VPS13B: variants seen among roughly 807,000 people sequenced by gnomAD.
The protein encoded by VPS13B is vacuolar protein sorting 13 homolog B.
A neutral mutation model predicts 426.4 loss-of-function variants in VPS13B; 285 were observed. The observed-to-expected ratio is 0.67, with a 90% CI of 0.61 to 0.74. VPS13B has a LOEUF of 0.74. Ranked by LOEUF, VPS13B falls within the 30% of genes least tolerant of loss-of-function variation. The pLI is 0.00. For synonymous variants in VPS13B, 1,676 were observed against 1,676.4 expected (o/e 1.00, Z 0.01); for missense variants, 4,537 against 4,782.6 (o/e 0.95, Z 1.51).
At chr8:99,771,476 C>G (rs752929759) in intron 40 of VPS13B, among the ~76,000 whole-genome samples, 4 of 152,170 alleles carry the variant, frequency 2.6e-5, no homozygotes, top group Non-Finnish European at 5.9e-5. Context: ...TTCCTACTCC[C>G]TTAAGGTCTC....
At chr8:99,561,481 G>A (rs1348479439) in intron 31 of VPS13B, among the ~76,000 whole-genome samples, 1 of 152,140 alleles carries the variant, frequency 6.6e-6, no homozygotes, top group African/African-American at 2.4e-5. Context: ...TCAACTTTAT[G>A]ATGATGCAAA....
chr8:99,504,194 T>C (rs181183756), intron 27 of VPS13B, among the ~76,000 whole-genome samples: 1 of 152,298 alleles, frequency 6.6e-6, no homozygotes, highest in East Asian at 1.9e-4. Flanking sequence ...CTCTCTTGCT[T>C]ACTCTCTTAC....
chr8:99,089,554 G>A (rs12156241), intron 3 of VPS13B, among the ~76,000 whole-genome samples: 3 of 152,138 alleles, frequency 2.0e-5, no homozygotes, highest in African/African-American at 7.2e-5. Flanking sequence ...CCAAGTAATA[G>A]GTGGAATCAA....
At chr8:99,424,023 T>C (rs1337510044) in intron 21 of VPS13B, among the ~76,000 whole-genome samples, 1 of 152,124 alleles carries the variant, frequency 6.6e-6, no homozygotes, top group Middle Eastern at 3.2e-3. Flanking sequence ...AAGTCGCCCA[T>C]TATTATTGTG....
At position 99,669,298 on chromosome 8, in the gene VPS13B, GAGA is replaced by G. The variant is rs549392715; in HGVS notation, c.6046+7815_6046+7817del. Among the ~76,000 whole-genome samples the G allele has an allele frequency of 7.2e-3, 1,089 of 152,080 alleles. 12 individuals carry two copies. Among genetic ancestry groups the G allele is most frequent in the African/African-American group, 0.025 (1,017 of 41,478 alleles). ...TTTAATTTAATGAGAGCTGACACAT[GAGA>G]AGAAGAACTGGAAATGGTGCAGATT... On this transcript the variant is annotated intron_variant, in intron 35 of 61. Coordinates refer to ENST00000357162, the MANE Select transcript of VPS13B (RefSeq NM_152564.5).
At position 99,873,955 on chromosome 8, in the gene VPS13B, A is replaced by G. The variant is rs1486746573; in HGVS notation, c.11746-1463A>G. The stretch of plus-strand genomic sequence containing the variant: ...CTTTTCTGGTTTTTAGCTTTTGCCT[A>G]GTTCCTTTGAATTTTGGAAGGAATT... On this transcript the variant is annotated intron_variant, in intron 61 of 61. Transcript: ENST00000357162. Among the ~76,000 whole-genome samples the G allele has an allele frequency of 2.0e-5, 3 of 152,304 alleles. No homozygotes were observed. The East Asian group carries it at 5.8e-4, about 29-fold the overall frequency.
intron 31 of VPS13B, among the ~76,000 whole-genome samples, chr8:99,562,159 C>G (rs1412692064): frequency 6.6e-6 from 1 of 152,042 alleles, no homozygotes; most frequent in Non-Finnish European, 1.5e-5. Context: ...GGTGGTACAT[C>G]ATTGTGGTTT....
At chr8:99,468,548 T>G (rs1018611274) in intron 24 of VPS13B, among the ~76,000 whole-genome samples, 5 of 152,090 alleles carry the variant, frequency 3.3e-5, no homozygotes, top group African/African-American at 2.4e-5. Context: ...TAAGAGTACT[T>G]TTTTAAGTAG....
At chr8:99,700,056 T>G in intron 36 of VPS13B, 124 bp downstream of exon 36, 15 of 1,183,428 alleles carry the variant, frequency 1.3e-5, no homozygotes, top group Non-Finnish European at 1.6e-5. Flanking sequence ...CCATTAGAGA[T>G]GAGGACATTT....
At chr8:99,146,974 C>T (rs1810765911) in intron 13 of VPS13B, among the ~76,000 whole-genome samples, 1 of 151,892 alleles carries the variant, frequency 6.6e-6, no homozygotes, top group South Asian at 2.1e-4. Context: ...TGTCTTAGAC[C>T]CAGATTCCTT....
intron 16 of VPS13B, among the ~76,000 whole-genome samples, chr8:99,176,109 T>C (rs1186295331): frequency 1.3e-5 from 2 of 152,100 alleles, no homozygotes. Context: ...GTCATTGGGC[T>C]TAGTGCAATA....
At chr8:99,724,760 C>T (rs1211459945) in intron 39 of VPS13B, among the ~76,000 whole-genome samples, 1 of 152,174 alleles carries the variant, frequency 6.6e-6, no homozygotes, top group Non-Finnish European at 1.5e-5. Flanking sequence ...GATGGAATTC[C>T]AGGCTCCAGT....
chr8:99,421,841 C>T (rs1284884861), intron 21 of VPS13B, among the ~76,000 whole-genome samples: 4 of 152,002 alleles, frequency 2.6e-5, no homozygotes, highest in Admixed American at 6.6e-5. Flanking sequence ...CCATGCCCAG[C>T]TAAGTTTTGT....
intron 16 of VPS13B, among the ~76,000 whole-genome samples, chr8:99,189,999 G>A (rs940767783): frequency 6.6e-6 from 1 of 151,912 alleles, no homozygotes; most frequent in African/African-American, 2.4e-5. Context: ...CTTTACTTAC[G>A]GTCTATTTGT....
At chr8:99,244,119 A>G (rs954919788) in intron 17 of VPS13B, among the ~76,000 whole-genome samples, 2 of 152,150 alleles carry the variant, frequency 1.3e-5, no homozygotes, top group Non-Finnish European at 2.9e-5. Context: ...TGATTTGTTA[A>G]AATTGGAAAC....
chr8:99,670,298 A>C (rs1830659624), intron 35 of VPS13B, among the ~76,000 whole-genome samples: 1 of 152,038 alleles, frequency 6.6e-6, no homozygotes, highest in South Asian at 2.1e-4. Flanking sequence ...AATTTTTTTC[A>C]ATTGCAAATT....
rs763025605 is a variant in VPS13B at position 99,111,100 on chromosome 8, A to G, written c.583A>G (p.Thr195Ala). 6.3e-7 allele frequency: 1 copy of G among 1,598,240 alleles called. No homozygotes were observed. Among genetic ancestry groups the G allele is most frequent in the South Asian group, 1.2e-5 (1 of 86,846 alleles). The change falls in exon 6 of 62, where the codon ACT (threonine) becomes GCT (alanine). Residue 195 changes from threonine to alanine, a missense_variant and splice_region_variant. Coordinates refer to ENST00000357162, the MANE Select transcript of VPS13B (RefSeq NM_152564.5). ...WDRAFMDISA[T>A]DLVLRKVINF... is the part of the protein sequence containing the mutation. ...AAAATGTTTTTTTTTCTTTTTAGCA[A>G]CTGATTTGGTGCTGAGAAAGGTTAT...
At chr8:99,298,736 C>G (rs902657424) in intron 19 of VPS13B, among the ~76,000 whole-genome samples, 1 of 152,166 alleles carries the variant, frequency 6.6e-6, no homozygotes, top group African/African-American at 2.4e-5. Flanking sequence ...GTCAGGCAAA[C>G]CTGTTTTCAG....
chr8:99,283,010 A>G (rs988217624), intron 19 of VPS13B, among the ~76,000 whole-genome samples: 1 of 152,206 alleles, frequency 6.6e-6, no homozygotes, highest in African/African-American at 2.4e-5. Flanking sequence ...TGATTAAAAC[A>G]TACCAGCAAA....
Sources: gnomAD v4.1 joint callset for allele counts (sites outside exome capture counted in the v4.1 genomes callset) on GRCh38, gnomAD v4.1.1 for gene constraint, MANE v1.5 for transcripts, NCBI Gene and HGNC (gene_info 2026-07-23, HGNC 2026-07-21) for gene names.